CDH23: variants seen among roughly 807,000 people sequenced by gnomAD.
CDH23 encodes cadherin related 23, also known as cadherin-23.
Under a neutral mutation model 317.1 loss-of-function variants are expected in CDH23, and 189 were observed. That is an observed-to-expected ratio of 0.60 (90% CI 0.53 to 0.67). The LOEUF (loss-of-function observed/expected upper bound fraction) is 0.67, where lower values mean the gene tolerates loss of function less well. Ranked by LOEUF, CDH23 falls within the 30% of genes least tolerant of loss-of-function variation. The probability of loss-of-function intolerance (pLI) is 0.00; values close to 1 mark genes in which losing one functional copy is unlikely to be tolerated. For missense variants in CDH23, 4,401 were observed against 4,592.4 expected, an observed-to-expected ratio of 0.96 and a Z score of 1.20; for synonymous variants, 1,839 against 1,876.8, an observed-to-expected ratio of 0.98 and a Z score of 0.52.
intron 11 of CDH23, among the ~76,000 whole-genome samples, chr10:71,638,465 T>TCC (rs1297167827): frequency 6.6e-5 from 10 of 152,142 alleles, no homozygotes; most frequent in African/African-American, 2.4e-4. Context: ...GGCTCAGGCC[T>TCC]CCCTCCCTTT....
At chr10:71,788,804 T>C in intron 44 of CDH23, 136 bp from the exon 45 acceptor site, 1 of 620,712 alleles carries the variant, frequency 1.6e-6, no homozygotes, top group South Asian at 1.9e-5. Context: ...TTGAAAAATG[T>C]GAGTTCATGT....
At chr10:71,734,488 A>G (rs1465807784) in intron 33 of CDH23, 147 bp downstream of exon 33, 2 of 1,544,678 alleles carry the variant, frequency 1.3e-6, no homozygotes, top group Non-Finnish European at 8.8e-7. Flanking sequence ...ATGTCCAGCC[A>G]TGCCACACCT....
intron 3 of CDH23, among the ~76,000 whole-genome samples, chr10:71,492,747 C>A (rs1049647469): frequency 2.0e-5 from 3 of 152,224 alleles, no homozygotes; most frequent in Non-Finnish European, 2.9e-5. Context: ...GCCTTCAGGG[C>A]GCTCACAGTC....
At position 71,812,874 on chromosome 10, in the gene CDH23, G is replaced by A. The variant is rs374156784; in HGVS notation, c.9617G>A (p.Arg3206His). 166 of 1,613,604 alleles carry A rather than the reference G, an allele frequency of 1.0e-4. No homozygotes were observed. Among genetic ancestry groups the A allele is most frequent in the African/African-American group, 1.0e-3 (76 of 75,058 alleles). ...DNIAKLGQIIREGPIKGSLLK... is the reference protein window; with the variant it reads ...DNIAKLGQIIHEGPIKGSLLK... Reference sequence around the variant, plus strand: ...ATTGCCAAGCTGGGCCAGATCATTCGTGAGGGGCCAATCAAGGTGAGCCTT... The same window carrying A: ...ATTGCCAAGCTGGGCCAGATCATTCATGAGGGGCCAATCAAGGTGAGCCTT... The change falls in exon 68 of 70, where the codon CGT becomes CAT. Residue 3206 changes from arginine (R) to histidine (H), a missense_variant. Arg to His is a conservative substitution (Grantham distance 29). This residue lies in a region of CDH23 where 1,144 missense variants were observed against 1,138.2 expected (regional missense o/e 1.01). Transcript: ENST00000224721.
At chr10:71,763,625 G>A (rs1270609790) in intron 38 of CDH23, among the ~76,000 whole-genome samples, 2 of 152,188 alleles carry the variant, frequency 1.3e-5, no homozygotes, top group Non-Finnish European at 2.9e-5. Context: ...CCACTTAGAC[G>A]CTGAGCCCCG....
intron 1 of CDH23, among the ~76,000 whole-genome samples, chr10:71,437,929 T>C (rs979825631): frequency 3.9e-5 from 6 of 152,148 alleles, no homozygotes; most frequent in African/African-American, 9.7e-5. Flanking sequence ...TTGTAAGCAT[T>C]TCAGTTTGCA....
intron 3 of CDH23, among the ~76,000 whole-genome samples, chr10:71,492,910 C>T (rs1027648428): frequency 3.3e-5 from 5 of 152,184 alleles, no homozygotes; most frequent in Admixed American, 1.3e-4. Flanking sequence ...GCCCCTGCCA[C>T]AGCTTCTTAG....
At chr10:71,442,206 G>A (rs1334414014) in intron 2 of CDH23, among the ~76,000 whole-genome samples, 1 of 152,240 alleles carries the variant, frequency 6.6e-6, no homozygotes, top group Non-Finnish European at 1.5e-5. Flanking sequence ...GCCAAAGCGT[G>A]TATGGTCGGC....
At chr10:71,707,851 C>T (rs1207507840) in intron 26 of CDH23, among the ~76,000 whole-genome samples, 1 of 152,160 alleles carries the variant, frequency 6.6e-6, no homozygotes, top group African/African-American at 2.4e-5. Flanking sequence ...GAGCAGGGCA[C>T]ACACCAGCCT....
chr10:71,762,660 ACAGT>A (rs112466817), intron 38 of CDH23, among the ~76,000 whole-genome samples: 24,511 of 152,200 alleles, frequency 0.16, 2,147 homozygotes, highest in East Asian at 0.31. Flanking sequence ...CCTTCTGGGG[ACAGT>A]CAGGGACTTC....
chr10:71,773,514 C>T (rs1280863445), intron 38 of CDH23: 4 of 1,430,548 alleles, frequency 2.8e-6, no homozygotes, highest in Non-Finnish European at 3.8e-6. Context: ...GGAAGCCTCC[C>T]GCGACTGAGT....
At chr10:71,493,968 C>T (rs1852810725) in intron 3 of CDH23, among the ~76,000 whole-genome samples, 1 of 152,160 alleles carries the variant, frequency 6.6e-6, no homozygotes, top group Non-Finnish European at 1.5e-5. Context: ...AACATATCAC[C>T]ATGAATAGCA....
chr10:71,423,954 A>G (rs1288842105), intron 1 of CDH23, among the ~76,000 whole-genome samples: 8 of 152,242 alleles, frequency 5.3e-5, no homozygotes, highest in Non-Finnish European at 5.9e-5. Context: ...CAAGGGTGAC[A>G]TGCTCTACAT....
Position 71,702,190 on chromosome 10 carries a change from A to T in CDH23, c.2566A>T (p.Ile856Phe). 6.2e-7 allele frequency: 1 copy of T among 1,613,618 alleles called. No homozygotes were observed. Residue 856 changes from isoleucine to phenylalanine, a missense_variant, in exon 23 of 70, where the codon ATC (isoleucine) becomes TTC (phenylalanine). Around this residue, in one of 3 missense-constraint regions of CDH23, gnomAD observed 3,068 missense variants for 3,203.3 expected, o/e 0.96. Coordinates refer to ENST00000224721, the MANE Select transcript of CDH23 (RefSeq NM_022124.6). ...DPHEAELMRK[I>F]VVSVTDCGRP... is the part of the protein sequence containing the mutation. ...CCATGAGGCCGAGCTGATGCGCAAA[A>T]TCGTCGTCTCTGTTACTGACTGTAT... is the stretch of plus-strand genomic sequence containing the variant.
At chr10:71,758,156 C>T (rs1410720749) in intron 38 of CDH23, among the ~76,000 whole-genome samples, 1 of 152,110 alleles carries the variant, frequency 6.6e-6, no homozygotes, top group South Asian at 2.1e-4. Flanking sequence ...CAACATGGCT[C>T]TGACCAAAAT....
At chr10:71,724,449 A>G (rs574293971) in intron 29 of CDH23, among the ~76,000 whole-genome samples, 3 of 152,172 alleles carry the variant, frequency 2.0e-5, no homozygotes, top group Non-Finnish European at 4.4e-5. Flanking sequence ...AGTAGCTGGG[A>G]CTACAGGCGC....
intron 38 of CDH23, among the ~76,000 whole-genome samples, chr10:71,768,750 G>A (rs11591883): frequency 6.6e-6 from 1 of 152,206 alleles, no homozygotes; most frequent in Non-Finnish European, 1.5e-5. Flanking sequence ...AAAGTGCTGG[G>A]ATTACAGGCA....
chr10:71,557,167 A>G (rs1010623423), intron 6 of CDH23, among the ~76,000 whole-genome samples: 4 of 152,240 alleles, frequency 2.6e-5, no homozygotes, highest in South Asian at 2.1e-4. Flanking sequence ...ATGATTATGT[A>G]AATGTTATTC....
At chr10:71,422,446 A>T (rs1163609836) in intron 1 of CDH23, among the ~76,000 whole-genome samples, 1 of 152,206 alleles carries the variant, frequency 6.6e-6, no homozygotes, top group East Asian at 1.9e-4. Context: ...GGTGATATTT[A>T]TGAAGTTCTA....
Sources: allele counts gnomAD v4.1 joint callset (sites outside exome capture counted in the v4.1 genomes callset), GRCh38; gene constraint gnomAD v4.1.1; regional missense constraint gnomAD v4.1.1; transcripts MANE v1.5; gene names NCBI Gene and HGNC (gene_info 2026-07-23, HGNC 2026-07-21).